Variants in SIPA1L2 observed in about 807,000 individuals in gnomAD.
SIPA1L2 encodes the protein signal-induced proliferation-associated 1-like protein 2.
In SIPA1L2, 56 loss-of-function variants were observed where a neutral mutation model predicts 163.9. The ratio of observed to expected loss-of-function variants is 0.34; its 90% CI spans 0.28 to 0.43. SIPA1L2 has a LOEUF of 0.43. Ranked by LOEUF, SIPA1L2 falls within the 20% of genes least tolerant of loss-of-function variation. The pLI is 1.00. For synonymous variants in SIPA1L2, 877 were observed against 865.7 expected, an observed-to-expected ratio of 1.01 and a Z score of -0.23; for missense variants, 1,974 against 2,193.5, an observed-to-expected ratio of 0.90 and a Z score of 2.00.
chr1:232,575,142 CA>C (rs1418011800), intron 1 of SIPA1L2, among the ~76,000 whole-genome samples: 2 of 152,192 alleles, frequency 1.3e-5, no homozygotes, highest in Non-Finnish European at 2.9e-5. Flanking sequence ...TGCATGGACT[CA>C]AAACGCAACA....
At chr1:232,469,820 TTTAA>T (rs888038843) in intron 8 of SIPA1L2, among the ~76,000 whole-genome samples, 3 of 150,664 alleles carry the variant, frequency 2.0e-5, no homozygotes, top group Non-Finnish European at 4.4e-5. Context: ...GTTTTCTGGT[TTTAA>T]TTAAACAACT....
In SIPA1L2 at chr1:232,445,724, G is replaced by T; in HGVS notation, c.3158C>A (p.Pro1053His). ...CCTGAAGGGGGTTTTATACTCGCAG[G>T]GGGTGCCCTCGCTGTCGAGTTTATA... is the stretch of plus-strand genomic sequence containing the variant. ...VEYKLDSEGT[P>H]CEYKTPFRRN... is the part of the protein sequence containing the mutation. Residue 1053 changes from proline to histidine, a missense_variant, in exon 11 of 23, where the codon CCC becomes CAC. By Grantham distance (77) the Pro-to-His change is moderately conservative. Transcript: ENST00000674635. 1 of 1,613,720 alleles carries T rather than the reference G, an allele frequency of 6.2e-7. No homozygotes were observed. The highest frequency in any genetic ancestry group is 8.5e-7 in the Non-Finnish European group (1 of 1,179,936).
At chr1:232,529,595 T>A (rs949702184) in intron 2 of SIPA1L2, among the ~76,000 whole-genome samples, 2 of 152,194 alleles carry the variant, frequency 1.3e-5, no homozygotes, top group African/African-American at 4.8e-5. Flanking sequence ...CCTGCTGTTG[T>A]TCTTGGCTCA....
intron 19 of SIPA1L2, 65 bp downstream of exon 19, chr1:232,415,429 G>C (rs150318310): frequency 1.3e-6 from 2 of 1,519,352 alleles, no homozygotes; most frequent in African/African-American, 2.8e-5. Context: ...CTAAGATGCC[G>C]CACAGGCCCT....
intron 2 of SIPA1L2, among the ~76,000 whole-genome samples, chr1:232,538,088 T>C (rs994862124): frequency 2.0e-5 from 3 of 152,188 alleles, no homozygotes; most frequent in Admixed American, 6.5e-5. Context: ...CTCATTAACA[T>C]TGGTTACACA....
At chr1:232,576,743 A>G (rs1466857874) in intron 1 of SIPA1L2, among the ~76,000 whole-genome samples, 1 of 152,234 alleles carries the variant, frequency 6.6e-6, no homozygotes, top group African/African-American at 2.4e-5. Flanking sequence ...TAAAAGTGGT[A>G]CTTCAGTGAA....
intron 10 of SIPA1L2, among the ~76,000 whole-genome samples, chr1:232,460,573 A>G (rs1011395231): frequency 1.3e-5 from 2 of 152,188 alleles, no homozygotes; most frequent in African/African-American, 4.8e-5. Flanking sequence ...TTCCTCTTAG[A>G]TATAAGAGGT....
chr1:232,476,090 T>C (rs1259504120), intron 7 of SIPA1L2, among the ~76,000 whole-genome samples: 1 of 152,118 alleles, frequency 6.6e-6, no homozygotes, highest in Non-Finnish European at 1.5e-5. Context: ...GTGAGGTAGG[T>C]TGTTCCAGTA....
At chr1:232,483,632 C>T (rs912005269) in intron 6 of SIPA1L2, among the ~76,000 whole-genome samples, 160 bp downstream of exon 6, 2 of 152,096 alleles carry the variant, frequency 1.3e-5, no homozygotes, top group South Asian at 4.1e-4. Flanking sequence ...AATGTGTTTC[C>T]TTTGTTCATC....
rs542957596 is a variant in SIPA1L2 at position 232,442,745 on chromosome 1, A to C, written c.3437+857T>G. Among the ~76,000 whole-genome samples, 133 of 152,340 alleles carry C rather than the reference A, an allele frequency of 8.7e-4. 1 individual carries two copies. Among genetic ancestry groups the C allele is most frequent in the South Asian group, 3.5e-3 (17 of 4,828 alleles). On this transcript the variant is annotated intron_variant, in intron 12 of 22. Transcript: ENST00000674635. ...AGCCAGAAAAGGTTTTACTGTTTAT[A>C]CAAAAAAGAACACCAAAAAAGCCAA...
intron 2 of SIPA1L2, among the ~76,000 whole-genome samples, chr1:232,546,981 A>T (rs1658066966): frequency 1.3e-5 from 2 of 152,174 alleles, no homozygotes; most frequent in African/African-American, 4.8e-5. Context: ...AGCATGACAG[A>T]GCACTGGGAA....
chr1:232,427,719 G>A (rs890930260), intron 17 of SIPA1L2, among the ~76,000 whole-genome samples: 8 of 152,150 alleles, frequency 5.3e-5, no homozygotes, highest in Non-Finnish European at 7.3e-5. Flanking sequence ...TAACATTATC[G>A]AGTACTACAT....
Position 232,581,378 on chromosome 1 carries a change from G to A in SIPA1L2, c.-318-7156C>T, listed in dbSNP as rs186302761. The stretch of plus-strand genomic sequence containing the variant: ...AGCTAGGAGGGTGTGGGCTGCAGCC[G>A]CTGGCCACTGTCTCATAGATCACAG... On this transcript the variant is annotated intron_variant, in intron 1 of 22. Coordinates refer to ENST00000674635, the MANE Select transcript of SIPA1L2 (RefSeq NM_020808.5). Among the ~76,000 whole-genome samples, 9 of 152,258 alleles carry A rather than the reference G, an allele frequency of 5.9e-5. No individual in the cohort carries two copies. The East Asian group carries it at 1.5e-3, about 26-fold the overall frequency.
At position 232,464,889 on chromosome 1, in the gene SIPA1L2, G is replaced by A. The variant is rs755408418; in HGVS notation, c.2771C>T (p.Ser924Leu). The A allele has an allele frequency of 3.0e-5, 48 of 1,613,620 alleles. No homozygotes were observed. The highest frequency in any genetic ancestry group is 2.5e-4 in the Admixed American group (15 of 59,986). ...YERGECVLLS[S>L]VDNCAEDIRE... Reference sequence around the variant, plus strand: ...GATGTCTTCAGCACAGTTGTCTACCGAGGACAGGAGGACACATTCTCCTCT... The same window carrying A: ...GATGTCTTCAGCACAGTTGTCTACCAAGGACAGGAGGACACATTCTCCTCT... The change falls in exon 9 of 23, where the codon TCG becomes TTG. Residue 924 changes from serine to leucine, a missense_variant. Transcript: ENST00000674635.
Position 232,480,146 on chromosome 1 carries a change from T to G in SIPA1L2, c.1982-416A>C, listed in dbSNP as rs568947857. On this transcript the variant is annotated intron_variant, in intron 6 of 22. Coordinates refer to ENST00000674635, the MANE Select transcript of SIPA1L2 (RefSeq NM_020808.5). ...CAGATGGCCTGGCCGCATCTGTGTG[T>G]GTGTGTGCGTGTGTGTGTGTGTGTG... is the stretch of plus-strand genomic sequence containing the variant. 4.8e-5 allele frequency among the ~76,000 whole-genome samples: 6 copies of G among 124,334 alleles called. No homozygotes were observed. The East Asian group carries it at 1.3e-3, about 26-fold the overall frequency. 81.6% of individuals were successfully genotyped at this position (124,334 alleles called of 152,430 possible).
At chr1:232,427,651 T>C (rs1351361691) in intron 17 of SIPA1L2, among the ~76,000 whole-genome samples, 3 of 152,240 alleles carry the variant, frequency 2.0e-5, no homozygotes, top group Non-Finnish European at 4.4e-5. Flanking sequence ...CTTTAAATTG[T>C]TTAGCAAAGT....
At chr1:232,595,183 T>C (rs2102837842) in intron 1 of SIPA1L2, among the ~76,000 whole-genome samples, 1 of 152,310 alleles carries the variant, frequency 6.6e-6, no homozygotes, top group South Asian at 2.1e-4. Context: ...ATTGGTCCAC[T>C]GGCTAGTGAG....
chr1:232,440,721 C>T (rs1360363937), intron 14 of SIPA1L2, among the ~76,000 whole-genome samples: 1 of 152,156 alleles, frequency 6.6e-6, no homozygotes, highest in African/African-American at 2.4e-5. Flanking sequence ...CCAACAATTC[C>T]TGTTTCTGCA....
intron 10 of SIPA1L2, among the ~76,000 whole-genome samples, chr1:232,447,712 G>A (rs1037681179): frequency 3.3e-5 from 5 of 152,334 alleles, no homozygotes; most frequent in Admixed American, 1.3e-4. Context: ...GGATATTGCT[G>A]TTAGGCATGT....
Sources: gnomAD v4.1 joint callset for allele counts (sites outside exome capture counted in the v4.1 genomes callset) on GRCh38, gnomAD v4.1.1 for gene constraint, MANE v1.5 for transcripts, NCBI Gene and HGNC (gene_info 2026-07-23, HGNC 2026-07-21) for gene names.